Variants in KLK6 observed in about 807,000 individuals in gnomAD.
KLK6 encodes kallikrein-6.
KLK6 carries 16 observed loss-of-function variants against 21.7 expected under a neutral mutation model. The observed-to-expected ratio is 0.74, with a 90% CI of 0.50 to 1.12. KLK6 has a LOEUF of 1.12. KLK6 is among the 50% of genes most tolerant of loss of function. The pLI is 0.00. For synonymous variants in KLK6, 116 were observed against 120.1 expected, an observed-to-expected ratio of 0.97 and a Z score of 0.22; for missense variants, 276 against 304.6, an observed-to-expected ratio of 0.91 and a Z score of 0.70.
At chr19:50,962,216 A>T in intron 5 of KLK6, 1 of 249,956 alleles carries the variant, frequency 4.0e-6, no homozygotes, top group Non-Finnish European at 7.7e-6. Flanking sequence ...CAGTAGTTTC[A>T]GTTGACCTGG....
In KLK6 at chr19:50,963,412, A is replaced by G; in HGVS notation, c.335T>C (p.Leu112Pro). The G allele has an allele frequency of 6.2e-7, 1 of 1,614,230 alleles. No homozygotes were observed. Among genetic ancestry groups the G allele is most frequent in the African/African-American group, 1.3e-5 (1 of 75,058 alleles). Reference sequence around the variant, plus strand: ...TTCAGAGAGTTTGGCTGGGCGTGCCAGGCGCAACAGCATGATGTCCTGGTC... The same window carrying G: ...TTCAGAGAGTTTGGCTGGGCGTGCCGGGCGCAACAGCATGATGTCCTGGTC... ...SHDQDIMLLRLARPAKLSELI... is the reference protein window; with the variant it reads ...SHDQDIMLLRPARPAKLSELI... The change falls in exon 5 of 7, where the codon CTG becomes CCG. Residue 112 changes from leucine to proline, a missense_variant. Transcript: ENST00000310157.
Position 50,968,075 on chromosome 19 carries a change from C to T in KLK6, c.30G>A (p.Leu10=). 1 of 1,614,004 alleles carries T rather than the reference C, an allele frequency of 6.2e-7. No homozygotes were observed. The highest frequency in any genetic ancestry group is 8.5e-7 in the Non-Finnish European group (1 of 1,179,978). Reference sequence around the variant, plus strand: ...ATGCCCTTTCCCCACCTGCAGCAATCAGACTCAGCACCACCATCAGCTTCT... The same window carrying T: ...ATGCCCTTTCCCCACCTGCAGCAATTAGACTCAGCACCACCATCAGCTTCT... The part of the protein sequence containing the change: MKKLMVVLS[L]IAAAWAEEQN... Residue 10 remains leucine, a synonymous_variant, in exon 3 of 7, where the codon CTG becomes CTA. Coordinates refer to ENST00000310157, the MANE Select transcript of KLK6 (RefSeq NM_002774.4).
intron 6 of KLK6, among the ~76,000 whole-genome samples, chr19:50,961,044 A>G (rs1426383970): frequency 6.6e-6 from 1 of 151,910 alleles, no homozygotes; most frequent in Non-Finnish European, 1.5e-5. Context: ...GATTACAGGC[A>G]TGAGCCACTG....
Position 50,964,362 on chromosome 19 carries a change from A to G in KLK6, c.198-813T>C, listed in dbSNP as rs571569011. Among the ~76,000 whole-genome samples, 5 of 152,132 alleles carry G rather than the reference A, an allele frequency of 3.3e-5. No individual in the cohort carries two copies. In the East Asian group the frequency reaches 9.7e-4, roughly 29 times the overall value. On this transcript the variant is annotated intron_variant, in intron 4 of 6. Transcript: ENST00000310157. ...CTGTTCCACCAGAGAACCTATCACA[A>G]TCATCCGACCTGCTATATATTTATT... is the stretch of plus-strand genomic sequence containing the variant.
chr19:50,967,172 T>G lies in KLK6; in HGVS notation c.194A>C (p.Lys65Thr). ...TTCATTTACAGTGTAGACTCACGGTTTTTTGCAGTGGGCAGCTGTGAGGAC... is the reference window on the plus strand; with the variant it reads ...TTCATTTACAGTGTAGACTCACGGTGTTTTGCAGTGGGCAGCTGTGAGGAC... ...LWVLTAAHCK[K>T]PNLQVFLGKH... The change falls in exon 4 of 7, where the codon AAA (lysine) becomes ACA (threonine). Residue 65 changes from lysine to threonine, a missense_variant. Transcript: ENST00000310157. The G allele has an allele frequency of 1.2e-6, 2 of 1,611,098 alleles. No individual in the cohort carries two copies. The highest frequency in any genetic ancestry group is 2.2e-5 in the South Asian group (2 of 90,760).
chr19:50,959,363 CTGTGTGTGTGTGTGTGTGTGTGTGTG>C (rs71185782), intron 6 of KLK6, 47 bp from the exon 7 acceptor site: 23 of 841,802 alleles, frequency 2.7e-5, no homozygotes, highest in East Asian at 2.4e-4. Context: ...AACCCAGAGA[CTGTGTGTGTGTGTGTGTGTGTGTGTG>C]TGTGTGTGTG....
intron 2 of KLK6, 86 bp from the exon 3 acceptor site, chr19:50,968,198 C>A: frequency 8.3e-7 from 1 of 1,199,710 alleles, no homozygotes; most frequent in South Asian, 1.2e-5. Context: ...TCCTCTCCTT[C>A]CTTCCTGGCC....
intron 3 of KLK6, among the ~76,000 whole-genome samples, chr19:50,967,611 G>A (rs561729493): frequency 6.6e-6 from 1 of 151,506 alleles, no homozygotes; most frequent in African/African-American, 2.4e-5. Context: ...GCTGAGGTGG[G>A]AGGGTCACTT....
At chr19:50,961,408 G>C (rs2090837812) in intron 6 of KLK6, among the ~76,000 whole-genome samples, 1 of 152,146 alleles carries the variant, frequency 6.6e-6, no homozygotes, top group Admixed American at 6.6e-5. Context: ...CTGACCCTAG[G>C]TGATCCTCCT....
At chr19:50,966,731 G>T (rs1019811368) in intron 4 of KLK6, among the ~76,000 whole-genome samples, 5 of 152,166 alleles carry the variant, frequency 3.3e-5, no homozygotes, top group African/African-American at 1.2e-4. Flanking sequence ...AACCTGGGAG[G>T]CAGAGGTTGC....
chr19:50,962,377 G>C (rs1443871530), intron 5 of KLK6: 1 of 153,738 alleles, frequency 6.5e-6, no homozygotes, highest in Non-Finnish European at 1.4e-5. Flanking sequence ...TCTCCCATTG[G>C]TTCTTCCTTT....
intron 2 of KLK6, 55 bp from the exon 3 acceptor site, chr19:50,968,167 C>CCT (rs757974724): frequency 6.7e-7 from 1 of 1,485,334 alleles, no homozygotes; most frequent in Non-Finnish European, 9.4e-7. Flanking sequence ...TCCCCCCATC[C>CCT]CTCTGTCTGC....
At chr19:50,966,872 C>T (rs549891557) in intron 4 of KLK6, among the ~76,000 whole-genome samples, 2 of 152,294 alleles carry the variant, frequency 1.3e-5, no homozygotes, top group South Asian at 2.1e-4. Flanking sequence ...AATCCAAATG[C>T]CCATCACGCC....
chr19:50,968,034 AGCC>A (rs773664643), intron 3 of KLK6, 28 bp downstream of exon 3: 1 of 1,609,558 alleles, frequency 6.2e-7, no homozygotes, highest in Non-Finnish European at 8.5e-7. Context: ...CCTGTCTGCA[AGCC>A]TCCCCCATCC....
chr19:50,969,374 C>G (rs1369436699), intron 1 of KLK6, 116 bp downstream of exon 1: 1 of 152,456 alleles, frequency 6.6e-6, no homozygotes, highest in Non-Finnish European at 1.5e-5. Context: ...CTCCCTGCAC[C>G]CCCAGCACTC....
intron 5 of KLK6, 21 bp from the exon 6 acceptor site, chr19:50,961,901 C>G: frequency 3.7e-6 from 6 of 1,610,002 alleles, no homozygotes; most frequent in Non-Finnish European, 5.1e-6. Context: ...AGAGATGGGC[C>G]AGACTCAGCC....
chr19:50,962,230 A>C (rs1600091445), intron 5 of KLK6: 2 of 225,356 alleles, frequency 8.9e-6, no homozygotes, highest in Non-Finnish European at 1.7e-5. Context: ...GACCTGGAGG[A>C]CTCTTCCTCT....
At chr19:50,967,511 CCACACACACACACACACACA>C (rs146062864) in intron 3 of KLK6, among the ~76,000 whole-genome samples, 186 bp from the exon 4 acceptor site, 2 of 125,478 alleles carry the variant, frequency 1.6e-5, no homozygotes, top group East Asian at 4.6e-4. Flanking sequence ...GACCTCATCT[CCACACACACACACACACACA>C]CACACACACA....
At chr19:50,965,202 G>A (rs972691767) in intron 4 of KLK6, among the ~76,000 whole-genome samples, 3 of 151,812 alleles carry the variant, frequency 2.0e-5, no homozygotes, top group Non-Finnish European at 4.4e-5. Context: ...TCCTGGGCTC[G>A]AGTGATCCAC....
Sources: gnomAD v4.1 joint callset for allele counts (sites outside exome capture counted in the v4.1 genomes callset) on GRCh38, gnomAD v4.1.1 for gene constraint, MANE v1.5 for transcripts, NCBI Gene and HGNC (gene_info 2026-07-23, HGNC 2026-07-21) for gene names.